XYLT1: variants seen among roughly 807,000 people sequenced by gnomAD.
The protein encoded by XYLT1 is xylosyltransferase 1.
XYLT1 carries 36 observed loss-of-function variants against 91.3 expected under a neutral mutation model. The ratio of observed to expected loss-of-function variants is 0.39; its 90% CI spans 0.30 to 0.52. XYLT1 has a LOEUF of 0.52. Ranked by LOEUF, XYLT1 falls within the 20% of genes least tolerant of loss-of-function variation. The pLI is 0.68. For missense variants in XYLT1, 1,242 were observed against 1,284.5 expected, an observed-to-expected ratio of 0.97 and a Z score of 0.51; for synonymous variants, 588 against 532.0, an observed-to-expected ratio of 1.11 and a Z score of -1.45.
intron 3 of XYLT1, among the ~76,000 whole-genome samples, chr16:17,243,379 C>G (rs13338328): frequency 0.03 from 4,625 of 152,258 alleles, 221 homozygotes; most frequent in African/African-American, 0.11. Context: ...AAAGGTCAAA[C>G]GAATTATCTG....
chr16:17,193,762 G>C (rs1167198015), intron 5 of XYLT1: 1 of 152,230 alleles, frequency 6.6e-6, no homozygotes, highest in Non-Finnish European at 1.5e-5. Flanking sequence ...GATGGAAACT[G>C]AAAACCTATC....
At position 17,105,194 on chromosome 16, in the gene XYLT1, T is replaced by C. The variant is rs1375296659; in HGVS notation, c.*3501A>G. On this transcript the variant is annotated 3_prime_UTR_variant, in exon 12 of 12. Coordinates refer to ENST00000261381, the MANE Select transcript of XYLT1 (RefSeq NM_022166.4). Reference sequence around the variant, plus strand: ...TCTCTGCATCTTTTTGGCAGAAAGCTTAAGGTTCTAGCCAGTGTCTTCTGT... The same window carrying C: ...TCTCTGCATCTTTTTGGCAGAAAGCCTAAGGTTCTAGCCAGTGTCTTCTGT... 1 of 152,164 alleles carries C rather than the reference T, an allele frequency of 6.6e-6. No homozygotes were observed. The highest frequency in any genetic ancestry group is 1.5e-5 in the Non-Finnish European group (1 of 68,038). 9.4% of individuals were successfully genotyped at this position (152,164 alleles called of 1,614,324 possible). A position where few individuals can be genotyped will look rare whatever the true frequency, so the allele number is the denominator to read the frequency against.
intron 1 of XYLT1, among the ~76,000 whole-genome samples, chr16:17,454,460 A>G (rs1453376261): frequency 1.3e-5 from 2 of 152,182 alleles, no homozygotes; most frequent in African/African-American, 4.8e-5. Context: ...GTGCTGTCAT[A>G]GCACAAAAGC....
In XYLT1 at chr16:17,433,449, C is replaced by T. The variant is rs189247783; in HGVS notation, c.363+36985G>A. Among the ~76,000 whole-genome samples, 117 of 152,330 alleles carry T rather than the reference C, an allele frequency of 7.7e-4. 1 individual carries two copies. Among genetic ancestry groups the T allele is most frequent in the East Asian group, 4.2e-3 (22 of 5,184 alleles). Reference sequence around the variant, plus strand: ...GAGAATCATAAAAAGTAAGGAAGCACGGTCGGGAAGGGTTGCCTAGAATGA... The same window carrying T: ...GAGAATCATAAAAAGTAAGGAAGCATGGTCGGGAAGGGTTGCCTAGAATGA... On this transcript the variant is annotated intron_variant, in intron 1 of 11. Transcript: ENST00000261381.
chr16:17,445,822 A>C (rs983185940), intron 1 of XYLT1: 1 of 152,218 alleles, frequency 6.6e-6, no homozygotes, highest in Admixed American at 6.5e-5. Context: ...TCAGCAGCTG[A>C]AGTGAGTGAA....
intron 1 of XYLT1, among the ~76,000 whole-genome samples, chr16:17,439,553 C>G (rs74885421): frequency 6.6e-6 from 1 of 152,012 alleles, no homozygotes; most frequent in Non-Finnish European, 1.5e-5. Context: ...ACCTGCATCC[C>G]AAATGAAAAA....
chr16:17,377,998 T>C (rs1417943395), intron 1 of XYLT1, among the ~76,000 whole-genome samples: 1 of 152,212 alleles, frequency 6.6e-6, no homozygotes, highest in Non-Finnish European at 1.5e-5. Flanking sequence ...TGATCTGCAT[T>C]GCTCTTTTTC....
intron 11 of XYLT1, among the ~76,000 whole-genome samples, chr16:17,110,253 T>C (rs1159472065): frequency 3.9e-5 from 6 of 152,198 alleles, no homozygotes; most frequent in Admixed American, 6.5e-5. Flanking sequence ...ATATACTAAG[T>C]GCTGGGAAAA....
intron 2 of XYLT1, among the ~76,000 whole-genome samples, chr16:17,293,090 A>C (rs899895782): frequency 2.0e-5 from 3 of 152,184 alleles, no homozygotes; most frequent in African/African-American, 7.2e-5. Flanking sequence ...TACTTTAGCT[A>C]ACCCGTAAAG....
chr16:17,327,022 C>G (rs1266866107), intron 2 of XYLT1, among the ~76,000 whole-genome samples: 1 of 152,138 alleles, frequency 6.6e-6, no homozygotes, highest in Non-Finnish European at 1.5e-5. Context: ...AGGACAAACA[C>G]CACCAACCAA....
intron 3 of XYLT1, among the ~76,000 whole-genome samples, chr16:17,243,632 T>C (rs78227271): frequency 0.11 from 16,491 of 152,164 alleles, 1,119 homozygotes; most frequent in Admixed American, 0.15. Context: ...ACAGCTAAAA[T>C]TCAAACCCAA....
intron 2 of XYLT1, among the ~76,000 whole-genome samples, chr16:17,311,330 CA>C (rs2034544873): frequency 6.6e-6 from 1 of 152,178 alleles, no homozygotes; most frequent in African/African-American, 2.4e-5. Context: ...TTCATGTGAG[CA>C]GCCTCGTGGG....
In XYLT1 at chr16:17,157,238, G is replaced by T. The variant is rs12930661; in HGVS notation, c.1370+1591C>A. 1.4e-3 allele frequency among the ~76,000 whole-genome samples: 218 copies of T among 152,202 alleles called. 5 individuals carry two copies. Among genetic ancestry groups the T allele is most frequent in the South Asian group, 4.1e-3 (20 of 4,824 alleles). Reference sequence around the variant, plus strand: ...TCTGGGATTACAGGCCTTGAGTCACGGCACCTGGCCAGATTACTTCTTTAA... The same window carrying T: ...TCTGGGATTACAGGCCTTGAGTCACTGCACCTGGCCAGATTACTTCTTTAA... On this transcript the variant is annotated intron_variant, in intron 6 of 11. Transcript: ENST00000261381.
At chr16:17,366,107 ATCAT>A (rs10610201) in intron 1 of XYLT1, among the ~76,000 whole-genome samples, 77,748 of 146,706 alleles carry the variant, frequency 0.53, 23,552 homozygotes, top group African/African-American at 0.82. Context: ...AATACTTGAA[ATCAT>A]TCATTGCCAA....
In XYLT1 at chr16:17,266,150, G is replaced by T. The variant is rs535107751; in HGVS notation, c.403-6652C>A. 8.5e-5 allele frequency among the ~76,000 whole-genome samples: 13 copies of T among 152,254 alleles called. No individual in the cohort carries two copies. In the South Asian group the frequency reaches 2.7e-3, roughly 32 times the overall value. ...CTATTATCGTCTATAGCAGCACACT[G>T]AGATTCAGAGGTCTGGACTCAGGAA... On this transcript the variant is annotated intron_variant, in intron 2 of 11. Transcript: ENST00000261381.
intron 1 of XYLT1, among the ~76,000 whole-genome samples, chr16:17,398,499 T>C (rs1219848481): frequency 6.6e-6 from 1 of 151,816 alleles, no homozygotes; most frequent in East Asian, 1.9e-4. Context: ...TTTCGGGGAG[T>C]AGATGATGGG....
At chr16:17,444,598 T>C (rs927717276) in intron 1 of XYLT1, among the ~76,000 whole-genome samples, 1 of 151,992 alleles carries the variant, frequency 6.6e-6, no homozygotes, top group African/African-American at 2.4e-5. Context: ...CCTCCCGCCT[T>C]GGCCTCCAAA....
At chr16:17,237,137 A>G (rs2033261443) in intron 3 of XYLT1, among the ~76,000 whole-genome samples, 1 of 152,152 alleles carries the variant, frequency 6.6e-6, no homozygotes, top group Non-Finnish European at 1.5e-5. Context: ...GATTCTAAGG[A>G]TGTGTAATAT....
chr16:17,156,904 C>T (rs1261363498), intron 6 of XYLT1, among the ~76,000 whole-genome samples: 1 of 151,046 alleles, frequency 6.6e-6, no homozygotes, highest in Non-Finnish European at 1.5e-5. Context: ...ATCAAAGTTT[C>T]AATTTAGAAA....
Sources: allele counts gnomAD v4.1 joint callset (sites outside exome capture counted in the v4.1 genomes callset), GRCh38; gene constraint gnomAD v4.1.1; transcripts MANE v1.5; gene names NCBI Gene and HGNC (gene_info 2026-07-23, HGNC 2026-07-21).